Variants in ESR1 observed in about 807,000 individuals in gnomAD.
ESR1 encodes the protein estrogen receptor.
Under a neutral mutation model 52.7 loss-of-function variants are expected in ESR1, and 12 were observed. The observed-to-expected ratio is 0.23, with a 90% confidence interval of 0.15 to 0.37. The LOEUF is 0.37. Among genes scored for constraint, ESR1 ranks in the 10% least tolerant of loss-of-function variants. The pLI, the probability that ESR1 is intolerant of heterozygous loss-of-function variation, is 1.00. For missense variants in ESR1, 584 were observed against 779.7 expected (o/e 0.75, Z 2.99); for synonymous variants, 305 against 316.8 (o/e 0.96, Z 0.39).
At chr6:152,007,576 G>A (rs1011755892) in intron 4 of ESR1, among the ~76,000 whole-genome samples, 8 of 151,984 alleles carry the variant, frequency 5.3e-5, no homozygotes, top group African/African-American at 1.4e-4. Context: ...ATATAGACTA[G>A]GGATTAAAAC....
chr6:151,845,394 C>A (rs1449562757), intron 2 of ESR1, among the ~76,000 whole-genome samples: 1 of 152,084 alleles, frequency 6.6e-6, no homozygotes, highest in African/African-American at 2.4e-5. Context: ...CATGGTGAAA[C>A]CCCATCTCTA....
downstream of ESR1, among the ~76,000 whole-genome samples, chr6:152,103,840 A>G (rs551889352): frequency 3.9e-5 from 6 of 152,166 alleles, no homozygotes; most frequent in African/African-American, 1.4e-4. Flanking sequence ...CCCTTTTTGG[A>G]GCTACCTGCG....
At chr6:152,069,585 AG>A (rs1283929987) in intron 6 of ESR1, among the ~76,000 whole-genome samples, 1 of 135,374 alleles carries the variant, frequency 7.4e-6, no homozygotes, top group Non-Finnish European at 1.5e-5. Context: ...GGGGTGGTGT[AG>A]GGTGGGGTGG....
chr6:151,766,696 CTT>C (rs1785083217), intron 2 of ESR1, among the ~76,000 whole-genome samples: 1 of 152,038 alleles, frequency 6.6e-6, no homozygotes. Flanking sequence ...TTAATATACT[CTT>C]TAGTTCTTTT....
chr6:151,909,980 G>A (rs1798020309), intron 3 of ESR1, among the ~76,000 whole-genome samples: 1 of 151,966 alleles, frequency 6.6e-6, no homozygotes, highest in Admixed American at 6.6e-5. Context: ...GAGACAGAAG[G>A]ACCAAAGAAG....
intron 2 of ESR1, among the ~76,000 whole-genome samples, chr6:151,706,380 C>G (rs916609262): frequency 1.3e-5 from 2 of 152,158 alleles, no homozygotes; most frequent in Non-Finnish European, 2.9e-5. Flanking sequence ...GAAAGTGATC[C>G]ACTGCTGTTT....
At chr6:151,898,720 G>A (rs1228234388) in intron 3 of ESR1, among the ~76,000 whole-genome samples, 11 of 152,106 alleles carry the variant, frequency 7.2e-5, no homozygotes, top group Admixed American at 1.3e-4. Context: ...TTGGGGGTAA[G>A]GTCACAGATC....
intron 2 of ESR1, among the ~76,000 whole-genome samples, chr6:151,777,565 AG>A (rs763350345): frequency 2.0e-5 from 3 of 152,202 alleles, no homozygotes; most frequent in Admixed American, 1.3e-4. Flanking sequence ...GTGGTTAAAA[AG>A]GTTAATGTAA....
chr6:152,023,591 T>C (rs184574370), intron 5 of ESR1, among the ~76,000 whole-genome samples: 1 of 152,224 alleles, frequency 6.6e-6, no homozygotes, highest in Non-Finnish European at 1.5e-5. Flanking sequence ...TAAAAAACAG[T>C]TCTTTTCTAC....
intron 1 of ESR1, among the ~76,000 whole-genome samples, chr6:151,823,270 T>C (rs1285686905): frequency 6.6e-6 from 1 of 152,204 alleles, no homozygotes; most frequent in Non-Finnish European, 1.5e-5. Context: ...CACCTGCTTT[T>C]CTACCAGGAA....
At chr6:152,091,878 G>A (rs2050210463) in intron 6 of ESR1, among the ~76,000 whole-genome samples, 2 of 152,318 alleles carry the variant, frequency 1.3e-5, no homozygotes, top group South Asian at 4.1e-4. Context: ...AGCATCCTGG[G>A]TGGGAACAAA....
chr6:151,926,128 A>T (rs2032695240), intron 3 of ESR1, among the ~76,000 whole-genome samples: 1 of 152,138 alleles, frequency 6.6e-6, no homozygotes, highest in Admixed American at 6.6e-5. Flanking sequence ...CTTCTTTGTC[A>T]AAGATCAGTT....
At chr6:152,012,878 T>C (rs373317245) in intron 5 of ESR1, among the ~76,000 whole-genome samples, 6 of 152,194 alleles carry the variant, frequency 3.9e-5, no homozygotes, top group African/African-American at 1.2e-4. Context: ...CTTCAGAGCA[T>C]TTCACTATCT....
chr6:151,896,749 T>C (rs1795578344), intron 3 of ESR1, among the ~76,000 whole-genome samples: 1 of 152,160 alleles, frequency 6.6e-6, no homozygotes, highest in Non-Finnish European at 1.5e-5. Context: ...TTTTTATTTC[T>C]GTAGTTCCTT....
At chr6:152,105,077 G>A (rs954911051), downstream of ESR1, among the ~76,000 whole-genome samples, 2 of 152,148 alleles carry the variant, frequency 1.3e-5, no homozygotes, top group African/African-American at 2.4e-5. Flanking sequence ...GAGGCTCTTC[G>A]CACCTTCCCC....
intron 4 of ESR1, among the ~76,000 whole-genome samples, chr6:151,978,748 A>G (rs550053564): frequency 4.3e-4 from 66 of 152,150 alleles, no homozygotes; most frequent in Non-Finnish European, 7.2e-4. Context: ...TCAACTTAAA[A>G]TAGTGTACAT....
intron 5 of ESR1, among the ~76,000 whole-genome samples, chr6:152,042,430 C>A (rs552503574): frequency 3.3e-5 from 5 of 152,290 alleles, no homozygotes; most frequent in Non-Finnish European, 7.3e-5. Context: ...CAGCTCAGAG[C>A]CAGTGTCCAG....
At chr6:152,003,911 G>A (rs1273046001) in intron 4 of ESR1, among the ~76,000 whole-genome samples, 3 of 151,904 alleles carry the variant, frequency 2.0e-5, no homozygotes, top group Non-Finnish European at 4.4e-5. Flanking sequence ...AAGGTATGTG[G>A]TAAACTAAAC....
At chr6:151,830,370 GA>G (rs1360281310) in intron 1 of ESR1, among the ~76,000 whole-genome samples, 1 of 152,110 alleles carries the variant, frequency 6.6e-6, no homozygotes, top group African/African-American at 2.4e-5. Flanking sequence ...CAATGCTGTT[GA>G]ATAAATGAAT....
Sources: gnomAD v4.1 joint callset for allele counts (sites outside exome capture counted in the v4.1 genomes callset) on GRCh38, gnomAD v4.1.1 for gene constraint, MANE v1.5 for transcripts, NCBI Gene and HGNC (gene_info 2026-07-23, HGNC 2026-07-21) for gene names.